DLG2: variants seen among roughly 807,000 people sequenced by gnomAD.
DLG2 encodes the protein discs large MAGUK scaffold protein 2, also known as disks large homolog 2.
DLG2 carries 45 observed loss-of-function variants against 132.5 expected under a neutral mutation model. That is an observed-to-expected ratio of 0.34 (90% CI 0.27 to 0.44). The LOEUF (loss-of-function observed/expected upper bound fraction) is 0.44. Ranked by LOEUF, DLG2 falls within the 20% of genes least tolerant of loss-of-function variation. DLG2 has a pLI of 1.00. For missense variants in DLG2, 1,045 were observed against 1,196.9 expected, an observed-to-expected ratio of 0.87 and a Z score of 1.87; for synonymous variants, 424 against 419.6, an observed-to-expected ratio of 1.01 and a Z score of -0.13.
chr11:84,585,594 G>A (rs1362303877), intron 6 of DLG2, among the ~76,000 whole-genome samples: 1 of 152,154 alleles, frequency 6.6e-6, no homozygotes, highest in Non-Finnish European at 1.5e-5. Context: ...GATCAATTTG[G>A]AAGGAATATC....
intron 7 of DLG2, among the ~76,000 whole-genome samples, chr11:84,350,301 C>T (rs1189483897): frequency 6.6e-6 from 1 of 151,570 alleles, no homozygotes; most frequent in Non-Finnish European, 1.5e-5. Flanking sequence ...CTTGAAATTA[C>T]ATTTAAAATG....
At chr11:84,479,975 T>C (rs922532737) in intron 7 of DLG2, among the ~76,000 whole-genome samples, 3 of 152,160 alleles carry the variant, frequency 2.0e-5, no homozygotes, top group Non-Finnish European at 4.4e-5. Context: ...CTTTTCTCAT[T>C]CCTTTACTAG....
At chr11:83,492,910 G>A (rs1396632788) in intron 21 of DLG2, among the ~76,000 whole-genome samples, 1 of 151,968 alleles carries the variant, frequency 6.6e-6, no homozygotes, top group Non-Finnish European at 1.5e-5. Flanking sequence ...CAGCAGCCAG[G>A]GTGATCATTT....
chr11:83,985,061 G>A (rs535636299), intron 11 of DLG2, among the ~76,000 whole-genome samples: 4 of 152,232 alleles, frequency 2.6e-5, no homozygotes, highest in African/African-American at 9.6e-5. Flanking sequence ...GATAATGCAA[G>A]CAATTTTTGG....
chr11:84,181,920 C>T (rs1196887225), intron 8 of DLG2, among the ~76,000 whole-genome samples: 2 of 152,110 alleles, frequency 1.3e-5, no homozygotes, highest in Non-Finnish European at 2.9e-5. Context: ...AATGAATCCA[C>T]TATTATAGTT....
chr11:84,401,266 C>T (rs1254784499), intron 7 of DLG2, among the ~76,000 whole-genome samples: 2 of 152,168 alleles, frequency 1.3e-5, no homozygotes, highest in Non-Finnish European at 2.9e-5. Context: ...CTTGCAGACT[C>T]TCTTACCACA....
In DLG2 at chr11:83,935,553, C is replaced by G. The variant is rs182945936; in HGVS notation, c.1341-5070G>C. 3.3e-5 allele frequency among the ~76,000 whole-genome samples: 5 copies of G among 152,214 alleles called. No homozygotes were observed. In the East Asian group the frequency reaches 9.6e-4, roughly 29 times the overall value. ...GCCTTAAAGTATGATATAGAGACAT[C>G]TAGGGGAGGGATTGATCTAGGTGAT... On this transcript the variant is annotated intron_variant, in intron 14 of 27. Transcript: ENST00000376104.
chr11:85,601,465 T>G (rs947394127), intron 2 of DLG2, among the ~76,000 whole-genome samples: 1 of 152,074 alleles, frequency 6.6e-6, no homozygotes, highest in Non-Finnish European at 1.5e-5. Context: ...CTCAGCCTCC[T>G]GAGTAGCTGG....
chr11:84,798,105 C>G (rs1358940483), intron 6 of DLG2, among the ~76,000 whole-genome samples: 2 of 152,192 alleles, frequency 1.3e-5, no homozygotes, highest in Non-Finnish European at 2.9e-5. Context: ...ACGACTGGAA[C>G]TGCCCTGGGT....
At chr11:85,084,886 T>C (rs2067708084) in intron 6 of DLG2, among the ~76,000 whole-genome samples, 1 of 152,114 alleles carries the variant, frequency 6.6e-6, no homozygotes, top group African/African-American at 2.4e-5. Flanking sequence ...AAAGCACGAG[T>C]TTCTCAAAAT....
At chr11:84,050,871 G>A (rs1385762506) in intron 11 of DLG2, among the ~76,000 whole-genome samples, 4 of 152,026 alleles carry the variant, frequency 2.6e-5, no homozygotes, top group African/African-American at 9.6e-5. Flanking sequence ...TGTTGCATTG[G>A]TCTACATCTC....
intron 8 of DLG2, among the ~76,000 whole-genome samples, chr11:84,174,835 C>T (rs1409335797): frequency 6.6e-6 from 1 of 152,212 alleles, no homozygotes; most frequent in Non-Finnish European, 1.5e-5. Flanking sequence ...ACTACTACTG[C>T]AGCTACTATT....
intron 17 of DLG2, among the ~76,000 whole-genome samples, chr11:83,827,625 C>A (rs2053258753): frequency 6.6e-6 from 1 of 152,128 alleles, no homozygotes; most frequent in African/African-American, 2.4e-5. Context: ...AGCAAGTCAG[C>A]TGGGGTGATC....
rs192600912 is a variant in DLG2, at chr11:83,739,120, C to T, written c.1825+47570G>A. ...GAGAGACATTCACAAAGCTGAAGGG[C>T]TTCACTGTGCCCCCATTTGAATTCT... On this transcript the variant is annotated intron_variant, in intron 18 of 27. Coordinates refer to ENST00000376104, the MANE Select transcript of DLG2 (RefSeq NM_001142699.3). 6.9e-4 allele frequency among the ~76,000 whole-genome samples: 105 copies of T among 152,154 alleles called. 1 individual carries two copies. Among genetic ancestry groups the T allele is most frequent in the African/African-American group, 2.4e-3 (99 of 41,504 alleles).
chr11:85,087,446 T>C (rs1183805672), intron 6 of DLG2, among the ~76,000 whole-genome samples: 1 of 152,204 alleles, frequency 6.6e-6, no homozygotes, highest in Non-Finnish European at 1.5e-5. Context: ...CCAAAGCCCT[T>C]AGGCAAGAAG....
At chr11:84,959,381 C>T (rs572583752) in intron 6 of DLG2, among the ~76,000 whole-genome samples, 2 of 152,142 alleles carry the variant, frequency 1.3e-5, no homozygotes, top group Non-Finnish European at 2.9e-5. Context: ...AGGTTTACAG[C>T]AGGAAAATAT....
chr11:83,878,676 A>C (rs536917888), intron 15 of DLG2, among the ~76,000 whole-genome samples: 1 of 152,208 alleles, frequency 6.6e-6, no homozygotes, highest in Admixed American at 6.5e-5. Context: ...CACCCACACC[A>C]CCTCATTAGT....
chr11:84,743,105 A>G (rs1364153214), intron 6 of DLG2, among the ~76,000 whole-genome samples: 1 of 152,184 alleles, frequency 6.6e-6, no homozygotes, highest in Non-Finnish European at 1.5e-5. Context: ...GAAGTTGTAA[A>G]CACAGTACAG....
chr11:85,384,346 A>T (rs2152934864), intron 3 of DLG2, among the ~76,000 whole-genome samples: 1 of 152,268 alleles, frequency 6.6e-6, no homozygotes, highest in African/African-American at 2.4e-5. Context: ...TGACAAGCTG[A>T]TCCTAAAATT....
Sources: allele counts gnomAD v4.1 joint callset (sites outside exome capture counted in the v4.1 genomes callset), GRCh38; gene constraint gnomAD v4.1.1; transcripts MANE v1.5; gene names NCBI Gene and HGNC (gene_info 2026-07-23, HGNC 2026-07-21).